The following TRPM2 variants were observed in gnomAD, a reference collection of about 807,000 sequenced individuals.
The protein encoded by TRPM2 is estrogen-responsive element-associated gene 1 protein.
A neutral mutation model predicts 174.0 loss-of-function variants in TRPM2; 161 were observed. The ratio of observed to expected loss-of-function variants is 0.93; its 90% CI spans 0.81 to 1.05. The LOEUF is 1.05. TRPM2 is among the 50% of genes least tolerant of loss of function. The pLI is 0.00. For synonymous variants in TRPM2, 954 were observed against 861.3 expected, an observed-to-expected ratio of 1.11 and a Z score of -1.88; for missense variants, 2,057 against 2,038.0, an observed-to-expected ratio of 1.01 and a Z score of -0.18.
chr21:44,440,242 C>G (rs1025849213), intron 30 of TRPM2, among the ~76,000 whole-genome samples: 1 of 117,750 alleles, frequency 8.5e-6, no homozygotes, highest in South Asian at 2.8e-4. Flanking sequence ...GAGGCTGAAG[C>G]AGAAGAATTG....
At chr21:44,415,276 T>C (rs2050241224) in intron 20 of TRPM2, 1 of 151,972 alleles carries the variant, frequency 6.6e-6, no homozygotes, top group Non-Finnish European at 1.5e-5. Flanking sequence ...CCTGTGGCTA[T>C]GGGGCCCTAT....
At chr21:44,402,003 C>A in intron 16 of TRPM2, 106 bp downstream of exon 16, 2 of 1,308,950 alleles carry the variant, frequency 1.5e-6, no homozygotes, top group Non-Finnish European at 2.2e-6. Context: ...GCCTGCCCAG[C>A]TCCCTGCAAG....
chr21:44,428,379 T>C (rs937096987), intron 27 of TRPM2, among the ~76,000 whole-genome samples: 1 of 151,696 alleles, frequency 6.6e-6, no homozygotes. Context: ...GAGGTGTGGC[T>C]CCTCCCTGAG....
At position 44,367,900 on chromosome 21, in the gene TRPM2, G is replaced by A. The variant is rs1162917545; in HGVS notation, c.604+966G>A. 6.6e-6 allele frequency among the ~76,000 whole-genome samples: 1 copy of A among 152,204 alleles called. No homozygotes were observed. The highest frequency in any genetic ancestry group is 1.5e-5 in the Non-Finnish European group (1 of 68,028). ...ACCTTTTCTCAGCCTGGTCACATGGGACTGGGTTTAACGCAGGTCACCATC... is the reference window on the plus strand; with the variant it reads ...ACCTTTTCTCAGCCTGGTCACATGGAACTGGGTTTAACGCAGGTCACCATC... On this transcript the variant is annotated intron_variant, in intron 4 of 31. Coordinates refer to ENST00000397928, the MANE Select transcript of TRPM2 (RefSeq NM_003307.4). This position sits in a 1 kb window ranked among gnomAD's most constrained non-coding sequence, Gnocchi z 4.6.
rs1386832440 is a variant in TRPM2 at position 44,353,766 on chromosome 21, A to G, written c.66A>G (p.Arg22=). The part of the protein sequence containing the change: ...EQEEGFEGLP[R]RVTDLGMVSN... ...AGGAGGGCTTTGAGGGGCTGCCCAG[A>G]AGGGTCACTGACCTGGGGATGGTCT... Residue 22 remains arginine, a synonymous_variant, in exon 1 of 32, where the codon AGA becomes AGG. Transcript: ENST00000397928. 1.2e-6 allele frequency: 2 copies of G among 1,600,660 alleles called. No individual in the cohort carries two copies. The highest frequency in any genetic ancestry group is 3.5e-5 in the Admixed American group (2 of 57,764).
intron 22 of TRPM2, among the ~76,000 whole-genome samples, chr21:44,419,710 A>ACAG (rs2050459152): frequency 7.7e-6 from 1 of 129,706 alleles, no homozygotes; most frequent in Non-Finnish European, 1.7e-5. Context: ...AGTGGTGGTG[A>ACAG]TGGTGGTGGT....
chr21:44,361,025 C>T (rs145583642), intron 2 of TRPM2, among the ~76,000 whole-genome samples: 1 of 152,300 alleles, frequency 6.6e-6, no homozygotes, highest in East Asian at 1.9e-4. Context: ...TTTCTTCATG[C>T]CTATCATTGT....
Position 44,394,517 on chromosome 21 carries a change from C to T in TRPM2, c.1795-897C>T, listed in dbSNP as rs563035869. Among the ~76,000 whole-genome samples, 6 of 151,884 alleles carry T rather than the reference C, an allele frequency of 4.0e-5. No individual in the cohort carries two copies. The South Asian group carries it at 1.2e-3, about 32-fold the overall frequency. On this transcript the variant is annotated intron_variant, in intron 11 of 31. Coordinates refer to ENST00000397928, the MANE Select transcript of TRPM2 (RefSeq NM_003307.4). Reference sequence around the variant, plus strand: ...TGTATTTTTAGTAGAGATGGGGTTTCACTGCGTTAGCCAGGATGGTCTCGA... The same window carrying T: ...TGTATTTTTAGTAGAGATGGGGTTTTACTGCGTTAGCCAGGATGGTCTCGA...
At position 44,401,786 on chromosome 21, in the gene TRPM2, C is replaced by T. The variant is rs370350714; in HGVS notation, c.2427C>T (p.Phe809=). ...FHLNILSYFA[F]LCLFAYVLMV... is the part of the protein sequence containing the mutation. ...TGAACATCCTCTCCTACTTCGCCTT[C>T]CTCTGCCTGTTCGCCTACGTGCTCA... is the stretch of plus-strand genomic sequence containing the variant. Residue 809 remains phenylalanine, a synonymous_variant, in exon 16 of 32, where the codon TTC becomes TTT. Transcript: ENST00000397928. 1.2e-6 allele frequency: 2 copies of T among 1,613,782 alleles called. No homozygotes were observed.
intron 8 of TRPM2, among the ~76,000 whole-genome samples, chr21:44,380,944 G>A (rs540989022): frequency 2.8e-4 from 43 of 152,170 alleles, no homozygotes; most frequent in African/African-American, 9.6e-4. Context: ...AAGTCCAGGA[G>A]ACTTTTATGG....
intron 9 of TRPM2, among the ~76,000 whole-genome samples, chr21:44,388,743 C>T (rs1488610289): frequency 6.6e-6 from 1 of 151,646 alleles, no homozygotes; most frequent in Non-Finnish European, 1.5e-5. Flanking sequence ...ATTGCTTGAG[C>T]CCAGGACGTT....
At chr21:44,401,634 C>T in intron 15 of TRPM2, 47 bp from the exon 16 acceptor site, 1 of 1,597,060 alleles carries the variant, frequency 6.3e-7, no homozygotes, top group Non-Finnish European at 8.5e-7. Context: ...GAGGTCAGGA[C>T]CCTGGCCCTG....
intron 11 of TRPM2, among the ~76,000 whole-genome samples, chr21:44,393,571 T>C (rs2049247469): frequency 6.6e-6 from 1 of 152,180 alleles, no homozygotes; most frequent in African/African-American, 2.4e-5. Flanking sequence ...AAGCTTTCTT[T>C]CCTTCTCCGC....
In TRPM2 at chr21:44,353,710, T is replaced by C; in HGVS notation, c.10T>C (p.Ser4Pro). 4 of 1,536,936 alleles carry C rather than the reference T, an allele frequency of 2.6e-6. No individual in the cohort carries two copies. Among genetic ancestry groups the C allele is most frequent in the Non-Finnish European group, 3.5e-6 (4 of 1,145,578 alleles). ...GCGTGGGGGTCTCAGAATGGAGCCC[T>C]CAGCCCTGAGGAAAGCTGGCTCGGA... MEP[S>P]ALRKAGSEQE... is the part of the protein sequence containing the mutation. The change falls in exon 1 of 32, where the codon TCA becomes CCA. Residue 4 changes from serine (S) to proline (P), a missense_variant. Ser to Pro is a moderately conservative substitution (Grantham distance 74). Coordinates refer to ENST00000397928, the MANE Select transcript of TRPM2 (RefSeq NM_003307.4).
At chr21:44,368,967 G>A (rs979338644) in intron 4 of TRPM2, among the ~76,000 whole-genome samples, 3 of 152,178 alleles carry the variant, frequency 2.0e-5, no homozygotes, top group Non-Finnish European at 2.9e-5. Context: ...ACCGGGAGAG[G>A]GGCGGGGCCT....
upstream of TRPM2, among the ~76,000 whole-genome samples, chr21:44,352,973 G>C (rs1448037666): frequency 1.3e-5 from 2 of 152,108 alleles, no homozygotes; most frequent in Non-Finnish European, 2.9e-5. Context: ...TGACCAACAT[G>C]GTGAAACCCT....
chr21:44,407,769 T>A (rs1316790733), intron 19 of TRPM2, among the ~76,000 whole-genome samples: 1 of 151,878 alleles, frequency 6.6e-6, no homozygotes. Flanking sequence ...AGTATTTACT[T>A]CCCGTTTATG....
intron 24 of TRPM2, 134 bp from the exon 25 acceptor site, chr21:44,425,536 A>C (rs975211207): frequency 2.8e-5 from 31 of 1,121,800 alleles, no homozygotes. Context: ...TTCGACCTGC[A>C]TGGCCATTTG....
At chr21:44,441,479 A>C (rs1028790941) in intron 31 of TRPM2, among the ~76,000 whole-genome samples, 31 of 152,218 alleles carry the variant, frequency 2.0e-4, no homozygotes, top group African/African-American at 7.5e-4. Flanking sequence ...AGCTCCCGGC[A>C]AAGCTGCACC....
Sources: gnomAD v4.1 joint callset for allele counts (sites outside exome capture counted in the v4.1 genomes callset) on GRCh38, gnomAD v4.1.1 for gene constraint, Gnocchi (gnomAD v3.1) non-coding constraint, MANE v1.5 for transcripts, NCBI Gene and HGNC (gene_info 2026-07-23, HGNC 2026-07-21) for gene names.